NR6A1: variants seen among roughly 807,000 people sequenced by gnomAD.
The protein encoded by NR6A1 is retinoic acid receptor-related testis-associated receptor.
Under a neutral mutation model 59.1 loss-of-function variants are expected in NR6A1, and 7 were observed. That is an observed-to-expected ratio of 0.12 (90% CI 0.07 to 0.22). The LOEUF (loss-of-function observed/expected upper bound fraction) is 0.22. Ranked by LOEUF, NR6A1 falls within the 10% of genes least tolerant of loss-of-function variation. NR6A1 has a pLI of 1.00. For synonymous variants in NR6A1, 243 were observed against 236.1 expected (o/e 1.03, Z -0.27); for missense variants, 468 against 611.6 (o/e 0.77, Z 2.48).
chr9:124,638,141 A>T (rs550564041), intron 2 of NR6A1, among the ~76,000 whole-genome samples: 1 of 151,886 alleles, frequency 6.6e-6, no homozygotes. Flanking sequence ...CTGTAGTCCT[A>T]GCTACTCAGG....
At chr9:124,610,738 T>C (rs1835715109) in intron 2 of NR6A1, among the ~76,000 whole-genome samples, 1 of 152,166 alleles carries the variant, frequency 6.6e-6, no homozygotes, top group South Asian at 2.1e-4. Flanking sequence ...CCTCGGCTTT[T>C]TTTGGTTGGA....
chr9:124,641,702 G>A (rs1836771349), intron 2 of NR6A1, among the ~76,000 whole-genome samples: 2 of 152,208 alleles, frequency 1.3e-5, no homozygotes, highest in East Asian at 1.9e-4. Context: ...AAGAGAGAGG[G>A]GAGAGCTGTG....
At chr9:124,631,685 T>C (rs1250216110) in intron 2 of NR6A1, among the ~76,000 whole-genome samples, 3 of 152,136 alleles carry the variant, frequency 2.0e-5, no homozygotes, top group Admixed American at 2.0e-4. Context: ...AGTTCAGGGG[T>C]ACCTGTGCAG....
chr9:124,653,516 C>T (rs1837162150), intron 2 of NR6A1, among the ~76,000 whole-genome samples: 1 of 152,078 alleles, frequency 6.6e-6, no homozygotes, highest in Admixed American at 6.5e-5. Context: ...ACTCAAGTGA[C>T]CCTCTCTCCT....
chr9:124,561,289 T>C (rs1033281124), intron 2 of NR6A1, among the ~76,000 whole-genome samples: 3 of 151,560 alleles, frequency 2.0e-5, no homozygotes, highest in Non-Finnish European at 2.9e-5. Context: ...TACAAAAAAT[T>C]AGCCAGACGT....
At chr9:124,589,185 G>A (rs948581085) in intron 2 of NR6A1, among the ~76,000 whole-genome samples, 3 of 152,132 alleles carry the variant, frequency 2.0e-5, no homozygotes, top group South Asian at 2.1e-4. Context: ...GGTGGCTCAC[G>A]CCTGTAATCC....
chr9:124,599,595 G>T, intron 2 of NR6A1: 4 of 1,165,218 alleles, frequency 3.4e-6, no homozygotes, highest in Non-Finnish European at 2.2e-6. Flanking sequence ...GCGCGGCGGC[G>T]GCGGCCGCTC....
intron 1 of NR6A1, among the ~76,000 whole-genome samples, chr9:124,733,679 G>A (rs1435085433): frequency 6.6e-6 from 1 of 152,132 alleles, no homozygotes; most frequent in African/African-American, 2.4e-5. Context: ...AATGTCCGTT[G>A]GAATAAAAAT....
chr9:124,758,835 T>C (rs1564270537), intron 1 of NR6A1, among the ~76,000 whole-genome samples: 1 of 152,256 alleles, frequency 6.6e-6, no homozygotes, highest in Non-Finnish European at 1.5e-5. Context: ...GGGCAGTCAG[T>C]ACCACAGCTA....
chr9:124,530,898 G>A (rs1266578897), intron 7 of NR6A1, among the ~76,000 whole-genome samples: 1 of 152,202 alleles, frequency 6.6e-6, no homozygotes, highest in African/African-American at 2.4e-5. Flanking sequence ...GATAAACTTA[G>A]CTCCATCTCT....
At chr9:124,592,307 T>C (rs1835149751) in intron 2 of NR6A1, among the ~76,000 whole-genome samples, 1 of 152,230 alleles carries the variant, frequency 6.6e-6, no homozygotes, top group Admixed American at 6.5e-5. Context: ...GTAGGTTTCA[T>C]ACCCCATTTT....
chr9:124,608,275 A>G (rs1482860002), intron 2 of NR6A1, among the ~76,000 whole-genome samples: 1 of 151,954 alleles, frequency 6.6e-6, no homozygotes, highest in African/African-American at 2.4e-5. Flanking sequence ...TATCTTAGCT[A>G]TTTTTCCTGA....
At chr9:124,558,268 A>G (rs1833983535) in intron 2 of NR6A1, among the ~76,000 whole-genome samples, 1 of 152,172 alleles carries the variant, frequency 6.6e-6, no homozygotes, top group Non-Finnish European at 1.5e-5. Context: ...TGATAGTTTT[A>G]AAAGGCCACA....
rs138045246 is a variant in NR6A1 at position 124,664,538 on chromosome 9, C to T, written c.142+68770G>A. Among the ~76,000 whole-genome samples the T allele has an allele frequency of 4.6e-3, 702 of 152,244 alleles. 6 individuals carry two copies. Among genetic ancestry groups the T allele is most frequent in the African/African-American group, 0.016 (656 of 41,558 alleles). ...GGTTCTCCATCCTGTCTCTCCAATA[C>T]CTCACCACCACAAAATGTTTTACAG... is the stretch of plus-strand genomic sequence containing the variant. On this transcript the variant is annotated intron_variant, in intron 2 of 9. Coordinates refer to ENST00000487099, the MANE Select transcript of NR6A1 (RefSeq NM_033334.4).
intron 2 of NR6A1, among the ~76,000 whole-genome samples, chr9:124,680,144 T>C (rs1838099677): frequency 6.6e-6 from 1 of 151,674 alleles, no homozygotes. Flanking sequence ...ATGTAAATCG[T>C]GATGTGTGAC....
At position 124,677,252 on chromosome 9, in the gene NR6A1, T is replaced by C. The variant is rs573584351; in HGVS notation, c.142+56056A>G. 3.2e-4 allele frequency among the ~76,000 whole-genome samples: 49 copies of C among 152,250 alleles called. No individual in the cohort carries two copies. The South Asian group carries it at 8.3e-3, about 26-fold the overall frequency. ...TAACTACCAAGCTTTACTTCCAAAT[T>C]ATTATTACTATTTCCTTTCTTCTGG... On this transcript the variant is annotated intron_variant, in intron 2 of 9. Transcript: ENST00000487099.
intron 1 of NR6A1, among the ~76,000 whole-genome samples, chr9:124,756,213 A>G (rs959944791): frequency 6.6e-6 from 1 of 152,238 alleles, no homozygotes; most frequent in Non-Finnish European, 1.5e-5. Context: ...TTTGTAGTTC[A>G]GTTAGATTCA....
intron 2 of NR6A1, among the ~76,000 whole-genome samples, chr9:124,651,086 C>G (rs931038961): frequency 6.6e-6 from 1 of 152,162 alleles, no homozygotes. Flanking sequence ...GACAGAGTCT[C>G]ACTCTGCTGC....
chr9:124,620,516 T>A (rs1315335138), intron 2 of NR6A1, among the ~76,000 whole-genome samples: 4 of 152,216 alleles, frequency 2.6e-5, no homozygotes, highest in African/African-American at 9.7e-5. Flanking sequence ...ACTACTCAAG[T>A]GCTATGGCAC....
Sources: gnomAD v4.1 joint callset for allele counts (sites outside exome capture counted in the v4.1 genomes callset) on GRCh38, gnomAD v4.1.1 for gene constraint, MANE v1.5 for transcripts, NCBI Gene and HGNC (gene_info 2026-07-23, HGNC 2026-07-21) for gene names.